Variants in TENM1 observed in about 807,000 individuals in gnomAD.
The protein encoded by TENM1 is teneurin-1.
A neutral mutation model predicts 174.8 loss-of-function variants in TENM1; 35 were observed. That is an observed-to-expected ratio of 0.20 (90% CI 0.15 to 0.27). TENM1 has a LOEUF of 0.27. TENM1 is among the 10% of genes least tolerant of loss of function. The pLI is 1.00. For missense variants in TENM1, 1,633 were observed against 2,130.1 expected (o/e 0.77, Z 4.59); for synonymous variants, 781 against 798.7 (o/e 0.98, Z 0.37).
the TENM1 span, among the ~76,000 whole-genome samples, chrX:125,165,419 G>A: frequency 1.8e-5 from 2 of 111,727 alleles, no homozygotes; most frequent in Non-Finnish European, 3.8e-5. Flanking sequence ...TCCATAGGAA[G>A]CCTAAATTAC....
intron 1 of TENM1, among the ~76,000 whole-genome samples, chrX:124,937,054 A>T (rs2058256202): frequency 1.4e-5 from 1 of 71,309 alleles, no homozygotes; most frequent in South Asian, 6.3e-4. Context: ...CTCAAAAAAG[A>T]AAAAAAAAAA....
chrX:124,846,698 A>AT (rs775704687), intron 3 of TENM1, among the ~76,000 whole-genome samples: 5 of 110,889 alleles, frequency 4.5e-5, no homozygotes, highest in South Asian at 3.8e-4. Flanking sequence ...TGAGGGCTGC[A>AT]TTTTTTTTCA....
rs147919158 is a variant in TENM1 at position 124,699,877 on chromosome X, T to G, written c.1015+5136A>C. Among the ~76,000 whole-genome samples the G allele has an allele frequency of 1.4e-3, 158 of 111,489 alleles. 5 individuals are homozygous for G. In the East Asian group the frequency reaches 0.041, roughly 29 times the overall value. On this transcript the variant is annotated intron_variant, in intron 5 of 31. Transcript: ENST00000422452. Reference sequence around the variant, plus strand: ...ATACCACCATTTTCCAGATCCCTGCTTAGAGACATTGCTAGAAGGTTGGTA... The same window carrying G: ...ATACCACCATTTTCCAGATCCCTGCGTAGAGACATTGCTAGAAGGTTGGTA...
At chrX:124,496,966 C>T in intron 20 of TENM1, 50 bp downstream of exon 23, 1 of 1,165,199 alleles carries the variant, frequency 8.6e-7, no homozygotes, top group South Asian at 1.9e-5. Flanking sequence ...TATTATCTTG[C>T]TTTTTGCTTT....
At chrX:124,707,610 T>C (rs2052941396) in intron 4 of TENM1, among the ~76,000 whole-genome samples, 1 of 111,476 alleles carries the variant, frequency 9.0e-6, no homozygotes, top group African/African-American at 3.3e-5. Flanking sequence ...ACCAGCACCA[T>C]GACAGTTCCA....
chrX:124,965,331 G>A (rs750563553), upstream of TENM1, among the ~76,000 whole-genome samples: 3 of 111,471 alleles, frequency 2.7e-5, no homozygotes, highest in Admixed American at 9.5e-5. Flanking sequence ...CACCCGCCTC[G>A]GCCTCCCAAA....
chrX:124,510,328 G>A (rs916120310), intron 18 of TENM1, among the ~76,000 whole-genome samples: 3 of 112,426 alleles, frequency 2.7e-5, no homozygotes, highest in African/African-American at 3.2e-5. Flanking sequence ...GGGAAGACCC[G>A]CAATTCAGTA....
intron 1 of TENM1, among the ~76,000 whole-genome samples, chrX:124,962,055 G>A (rs1010819310): frequency 8.9e-6 from 1 of 111,768 alleles, no homozygotes; most frequent in Non-Finnish European, 1.9e-5. Flanking sequence ...ATCATTAACA[G>A]ATGTAGGTGA....
chrX:124,520,213 A>G (rs192948264), intron 18 of TENM1, among the ~76,000 whole-genome samples: 2 of 111,874 alleles, frequency 1.8e-5, no homozygotes, highest in East Asian at 5.6e-4. Flanking sequence ...GGCCTTATAG[A>G]ACGCCACACC....
intron 1 of TENM1, among the ~76,000 whole-genome samples, chrX:124,952,131 A>G (rs923699038): frequency 3.6e-5 from 4 of 111,478 alleles, no homozygotes; most frequent in African/African-American, 1.3e-4. Flanking sequence ...GGCTTAGAGT[A>G]TGTGGGATGG....
Position 124,649,341 on chromosome X carries a change from T to G in TENM1, c.1580-2531A>C, listed in dbSNP as rs73558390. On this transcript the variant is annotated intron_variant, in intron 8 of 31. Transcript: ENST00000422452. ...AAACTAAATGTAATGAATACTCTTA[T>G]AGAATGAGTATAGTCTAAAGGGTAT... Among the ~76,000 whole-genome samples, 1,083 of 112,585 alleles carry G rather than the reference T, an allele frequency of 9.6e-3. 12 individuals are homozygous for G. Among genetic ancestry groups the G allele is most frequent in the African/African-American group, 0.034 (1,046 of 31,054 alleles).
intron 23 of TENM1, among the ~76,000 whole-genome samples, chrX:124,432,710 G>A (rs1299229421): frequency 3.6e-5 from 4 of 112,297 alleles, no homozygotes; most frequent in African/African-American, 1.3e-4. Flanking sequence ...ACAGGCATGA[G>A]CCACCACACC....
chrX:124,793,986 C>G (rs1415051633), intron 3 of TENM1, among the ~76,000 whole-genome samples: 4 of 110,494 alleles, frequency 3.6e-5, no homozygotes, highest in Non-Finnish European at 7.6e-5. Context: ...CCCAAATCTG[C>G]CTTCTTAATA....
the TENM1 span, among the ~76,000 whole-genome samples, chrX:125,083,746 C>A: frequency 9.0e-6 from 1 of 110,954 alleles, no homozygotes; most frequent in African/African-American, 3.3e-5. Context: ...ATGAATATAT[C>A]CACATATTGA....
At chrX:125,150,997 C>T in the TENM1 span, among the ~76,000 whole-genome samples, 1 of 112,316 alleles carries the variant, frequency 8.9e-6, no homozygotes, top group Non-Finnish European at 1.9e-5. Context: ...TTAAATGGCA[C>T]AGTGAGGTTT....
intron 22 of TENM1, among the ~76,000 whole-genome samples, chrX:124,470,599 C>T (rs532518730): frequency 9.1e-6 from 1 of 110,311 alleles, no homozygotes; most frequent in African/African-American, 3.3e-5. Flanking sequence ...TATCTAGATG[C>T]CTTTTAAATT....
At chrX:124,828,263 T>G (rs1373455772) in intron 3 of TENM1, among the ~76,000 whole-genome samples, 2 of 112,195 alleles carry the variant, frequency 1.8e-5, no homozygotes, top group African/African-American at 6.5e-5. Context: ...ACCTAAGTAT[T>G]TATAATAGTC....
At chrX:125,160,540 G>A in the TENM1 span, among the ~76,000 whole-genome samples, 4 of 22,341 alleles carry the variant, frequency 1.8e-4, no homozygotes, top group Admixed American at 6.5e-4. Flanking sequence ...GCAAGACCCC[G>A]TCTCAAAAAA....
chrX:124,903,129 CT>C (rs1177947178), intron 1 of TENM1, among the ~76,000 whole-genome samples: 1 of 111,631 alleles, frequency 9.0e-6, no homozygotes, highest in Non-Finnish European at 1.9e-5. Flanking sequence ...CTAATCTCCC[CT>C]TGACAGTTCC....
Sources: gnomAD v4.1 joint callset for allele counts (sites outside exome capture counted in the v4.1 genomes callset) on GRCh38, gnomAD v4.1.1 for gene constraint, MANE v1.5 for transcripts, NCBI Gene and HGNC (gene_info 2026-07-23, HGNC 2026-07-21) for gene names.